Variants in SLC26A5 observed in about 807,000 individuals in gnomAD.
SLC26A5 encodes the protein solute carrier family 26 member 5.
A neutral mutation model predicts 81.0 loss-of-function variants in SLC26A5; 51 were observed. That is an observed-to-expected ratio of 0.63 (90% CI 0.50 to 0.80). The LOEUF is 0.80. Among genes scored for constraint, SLC26A5 ranks in the 30% least tolerant of loss-of-function variants. The pLI is 0.00. For missense variants in SLC26A5, 771 were observed against 905.8 expected, an observed-to-expected ratio of 0.85 and a Z score of 1.91; for synonymous variants, 325 against 332.8, an observed-to-expected ratio of 0.98 and a Z score of 0.25.
Position 103,389,401 on chromosome 7 carries a change from A to G in SLC26A5, c.1335T>C (p.Ile445=), listed in dbSNP as rs142639517. 5.3e-3 allele frequency: 8,497 copies of G among 1,614,050 alleles called. 36 individuals carry two copies. Among genetic ancestry groups the G allele is most frequent in the Non-Finnish European group, 6.5e-3 (7,695 of 1,179,910 alleles). Residue 445 remains isoleucine (I), a synonymous_variant, in exon 13 of 20, where the codon ATT becomes ATC. Transcript: ENST00000306312. ...LPQAVLSAIV[I]VNLKGMFMQF... ...GCATAAACATTCCCTTCAGGTTGAC[A>G]ATCACAATGGCCGACAGCACAGCCT...
At chr7:103,390,539 T>C in intron 11 of SLC26A5, 33 bp from the exon 12 acceptor site, 1 of 1,574,122 alleles carries the variant, frequency 6.4e-7, no homozygotes, top group Non-Finnish European at 8.7e-7. Context: ...AAGGGGCTTT[T>C]AGGAGACTTG....
chr7:103,442,170 T>C (rs894651579), intron 2 of SLC26A5, among the ~76,000 whole-genome samples: 5 of 151,992 alleles, frequency 3.3e-5, no homozygotes, highest in African/African-American at 1.2e-4. Flanking sequence ...AGACTGAGTC[T>C]CGCTCTTGTT....
At chr7:103,441,592 T>C (rs1387714644) in intron 2 of SLC26A5, among the ~76,000 whole-genome samples, 1 of 152,204 alleles carries the variant, frequency 6.6e-6, no homozygotes, top group Non-Finnish European at 1.5e-5. Context: ...AAGTTGATCA[T>C]GCTTATCCCC....
At chr7:103,411,306 G>A (rs1824466281) in intron 6 of SLC26A5, 114 bp downstream of exon 6, 10 of 1,230,078 alleles carry the variant, frequency 8.1e-6, no homozygotes, top group Non-Finnish European at 1.2e-5. Context: ...CCAGAGCTCT[G>A]GGGTTTTTCT....
Position 103,389,400 on chromosome 7 carries a change from C to T in SLC26A5, c.1336G>A (p.Val446Ile). The T allele has an allele frequency of 6.2e-7, 1 of 1,614,090 alleles. No homozygotes were observed. The highest frequency in any genetic ancestry group is 1.3e-5 in the African/African-American group (1 of 75,038). The change falls in exon 13 of 20, where the codon GTC becomes ATC. Residue 446 changes from valine to isoleucine, a missense_variant. Coordinates refer to ENST00000306312, the MANE Select transcript of SLC26A5 (RefSeq NM_198999.3). ...TGCATAAACATTCCCTTCAGGTTGA[C>T]AATCACAATGGCCGACAGCACAGCC... ...PQAVLSAIVIVNLKGMFMQFS... is the reference protein window; with the variant it reads ...PQAVLSAIVIINLKGMFMQFS...
intron 14 of SLC26A5, 69 bp downstream of exon 14, chr7:103,388,939 G>A (rs1822421784): frequency 1.6e-5 from 19 of 1,174,152 alleles, no homozygotes; most frequent in Non-Finnish European, 2.4e-5. Context: ...TTAAACTTTG[G>A]TCTACACCTA....
At chr7:103,380,701 T>C (rs1821707007) in intron 14 of SLC26A5, 152 bp from the exon 15 acceptor site, 2 of 705,232 alleles carry the variant, frequency 2.8e-6, no homozygotes, top group Non-Finnish European at 5.1e-6. Context: ...GCTCCACACA[T>C]ATCACGTTCC....
At chr7:103,423,251 G>A (rs192592517) in intron 2 of SLC26A5, among the ~76,000 whole-genome samples, 32 of 152,164 alleles carry the variant, frequency 2.1e-4, no homozygotes, top group African/African-American at 7.2e-4. Flanking sequence ...CAGCCTGGGC[G>A]ACAAGAGTGA....
At chr7:103,381,140 A>G (rs990310831) in intron 14 of SLC26A5, among the ~76,000 whole-genome samples, 8 of 151,468 alleles carry the variant, frequency 5.3e-5, no homozygotes, top group African/African-American at 1.9e-4. Context: ...CACACCCCTC[A>G]CATGCATACA....
intron 9 of SLC26A5, among the ~76,000 whole-genome samples, chr7:103,397,696 G>T (rs980823177): frequency 2.1e-5 from 3 of 142,758 alleles, no homozygotes; most frequent in Non-Finnish European, 4.5e-5. Context: ...CAGCCCAGGC[G>T]ACAGAGTGAG....
intron 2 of SLC26A5, among the ~76,000 whole-genome samples, chr7:103,437,036 T>C (rs1295708550): frequency 6.6e-6 from 1 of 152,070 alleles, no homozygotes; most frequent in Non-Finnish European, 1.5e-5. Flanking sequence ...AAACCACACA[T>C]CTGACAAGTG....
chr7:103,418,521 GA>G (rs985214221), intron 4 of SLC26A5, among the ~76,000 whole-genome samples: 1 of 152,090 alleles, frequency 6.6e-6, no homozygotes, highest in Non-Finnish European at 1.5e-5. Flanking sequence ...CCCTGCCTTT[GA>G]ATCTGTCCCT....
intron 9 of SLC26A5, among the ~76,000 whole-genome samples, chr7:103,394,476 TAAG>T (rs1342381946): frequency 1.3e-5 from 2 of 152,126 alleles, no homozygotes. Context: ...CCTAAGGGAA[TAAG>T]AATATAAGAA....
At chr7:103,407,034 T>C (rs1824114008) in intron 8 of SLC26A5, among the ~76,000 whole-genome samples, 1 of 152,176 alleles carries the variant, frequency 6.6e-6, no homozygotes, top group Non-Finnish European at 1.5e-5. Flanking sequence ...GTGGGACACT[T>C]TGGATATTAA....
In SLC26A5 at chr7:103,377,581, G is replaced by A. The variant is rs376618459; in HGVS notation, c.1986+18C>T. On this transcript the variant is annotated intron_variant, in intron 18 of 19. Coordinates refer to ENST00000306312, the MANE Select transcript of SLC26A5 (RefSeq NM_198999.3). ...CAGGCATAGAGGTATTAAATGACTCGTTCAAGAGGATGCTTACCCCTGCCA... is the reference window on the plus strand; with the variant it reads ...CAGGCATAGAGGTATTAAATGACTCATTCAAGAGGATGCTTACCCCTGCCA... 14 of 1,611,260 alleles carry A rather than the reference G, an allele frequency of 8.7e-6. No homozygotes were observed. The highest frequency in any genetic ancestry group is 1.1e-5 in the South Asian group (1 of 91,014).
chr7:103,396,146 C>G (rs754658007), intron 9 of SLC26A5, among the ~76,000 whole-genome samples: 1 of 152,144 alleles, frequency 6.6e-6, no homozygotes, highest in Non-Finnish European at 1.5e-5. Flanking sequence ...TTGTTTTGCT[C>G]TTAAATCCCA....
intron 2 of SLC26A5, among the ~76,000 whole-genome samples, chr7:103,439,771 C>T (rs532285054): frequency 3.4e-4 from 51 of 152,220 alleles, no homozygotes; most frequent in African/African-American, 1.1e-3. Flanking sequence ...TGGCCTCAAG[C>T]GATCTGCCCG....
intron 19 of SLC26A5, among the ~76,000 whole-genome samples, chr7:103,365,395 G>C (rs1224953000): frequency 6.6e-6 from 1 of 152,180 alleles, no homozygotes; most frequent in African/African-American, 2.4e-5. Context: ...ACTTTGGGAG[G>C]CAGAGGCAGG....
chr7:103,361,875 C>T (rs1323056342), intron 19 of SLC26A5: 11 of 1,356,960 alleles, frequency 8.1e-6, no homozygotes, highest in Non-Finnish European at 4.0e-6. Flanking sequence ...GTATATTGCA[C>T]ACTCAGGATA....
Sources: allele counts gnomAD v4.1 joint callset (sites outside exome capture counted in the v4.1 genomes callset), GRCh38; gene constraint gnomAD v4.1.1; transcripts MANE v1.5; gene names NCBI Gene and HGNC (gene_info 2026-07-23, HGNC 2026-07-21).